RGS6: variants seen among roughly 807,000 people sequenced by gnomAD.
RGS6 encodes the protein regulator of G protein signaling 6.
RGS6 carries 30 observed loss-of-function variants against 78.5 expected under a neutral mutation model. The ratio of observed to expected loss-of-function variants is 0.38; its 90% CI spans 0.29 to 0.52. The LOEUF is 0.52. Among genes scored for constraint, RGS6 ranks in the 20% least tolerant of loss-of-function variants. The pLI is 0.85. For synonymous variants in RGS6, 206 were observed against 206.0 expected, an observed-to-expected ratio of 1.00 and a Z score of 0.00; for missense variants, 495 against 609.7, an observed-to-expected ratio of 0.81 and a Z score of 1.98.
chr14:72,496,817 A>G (rs1026172976), intron 13 of RGS6, among the ~76,000 whole-genome samples: 1 of 152,168 alleles, frequency 6.6e-6, no homozygotes, highest in Admixed American at 6.5e-5. Flanking sequence ...ATCCTTTTGT[A>G]TAATTGGGTT....
At chr14:72,324,410 T>G (rs546963649) in intron 2 of RGS6, among the ~76,000 whole-genome samples, 2 of 152,192 alleles carry the variant, frequency 1.3e-5, no homozygotes, top group Non-Finnish European at 2.9e-5. Context: ...ACAACGTGCA[T>G]GTTTGTTACA....
chr14:72,616,151 T>C, the RGS6 span, among the ~76,000 whole-genome samples: 18 of 152,308 alleles, frequency 1.2e-4, no homozygotes, highest in African/African-American at 3.9e-4. Context: ...GGATAGGCCA[T>C]GTTTCCCCAC....
At chr14:72,547,433 T>A in intron 17 of RGS6, 2 of 917,152 alleles carry the variant, frequency 2.2e-6, no homozygotes, top group Non-Finnish European at 3.2e-6. Flanking sequence ...CAACAGGGGA[T>A]GCTTCCCCCT....
At chr14:71,991,863 C>T (rs2094966711) in intron 2 of RGS6, among the ~76,000 whole-genome samples, 1 of 152,188 alleles carries the variant, frequency 6.6e-6, no homozygotes, top group South Asian at 2.1e-4. Flanking sequence ...CTGTCTCTTT[C>T]AGCTAATCAA....
intron 12 of RGS6, among the ~76,000 whole-genome samples, chr14:72,487,437 A>G (rs1309035710): frequency 6.6e-6 from 1 of 152,250 alleles, no homozygotes; most frequent in Non-Finnish European, 1.5e-5. Context: ...GTTATGTTAC[A>G]TGGCAAGGAG....
intron 2 of RGS6, among the ~76,000 whole-genome samples, chr14:72,070,545 G>A (rs1195320364): frequency 6.6e-6 from 1 of 152,180 alleles, no homozygotes; most frequent in Non-Finnish European, 1.5e-5. Flanking sequence ...TGTTGGTGGT[G>A]GTGCTGCTGG....
At chr14:71,879,646 TC>T in the RGS6 span, among the ~76,000 whole-genome samples, 5 of 152,200 alleles carry the variant, frequency 3.3e-5, no homozygotes, top group Non-Finnish European at 7.3e-5. Context: ...TGGTTCTCAT[TC>T]TCTCTTGTCT....
chr14:72,578,461 A>G, the RGS6 span, among the ~76,000 whole-genome samples: 17 of 152,320 alleles, frequency 1.1e-4, no homozygotes, highest in African/African-American at 4.1e-4. Flanking sequence ...CACTATTTGC[A>G]ATAACTTCCC....
chr14:72,133,794 A>G (rs2096379781), intron 2 of RGS6, among the ~76,000 whole-genome samples: 1 of 151,900 alleles, frequency 6.6e-6, no homozygotes, highest in Admixed American at 6.6e-5. Flanking sequence ...TGTCACCATA[A>G]GCAATCCACT....
chr14:72,494,758 G>T (rs1237101448), intron 12 of RGS6, among the ~76,000 whole-genome samples: 1 of 152,214 alleles, frequency 6.6e-6, no homozygotes, highest in Non-Finnish European at 1.5e-5. Context: ...CAGTCTGGTG[G>T]AGCTGTAGTG....
intron 3 of RGS6, among the ~76,000 whole-genome samples, chr14:72,371,330 C>CTTGT (rs879767297): frequency 5.3e-5 from 8 of 151,850 alleles, no homozygotes; most frequent in Non-Finnish European, 1.2e-4. Context: ...AACATTTTTC[C>CTTGT]TTGTTTGATT....
chr14:72,236,160 G>C (rs1335179099), intron 2 of RGS6, among the ~76,000 whole-genome samples: 3 of 152,150 alleles, frequency 2.0e-5, no homozygotes, highest in Admixed American at 6.5e-5. Flanking sequence ...CATTCTATTA[G>C]GATCATTTTC....
At position 72,267,483 on chromosome 14, in the gene RGS6, T is replaced by C. The variant is rs538491857; in HGVS notation, c.85-84612T>C. Among the ~76,000 whole-genome samples, 17 of 152,332 alleles carry C rather than the reference T, an allele frequency of 1.1e-4. 1 individual carries two copies. In the South Asian group the frequency reaches 3.5e-3, roughly 32 times the overall value. On this transcript the variant is annotated intron_variant, in intron 2 of 17. Transcript: ENST00000553525. The stretch of plus-strand genomic sequence containing the variant: ...GACCTGCAAAACCAAAAATACTTGC[T>C]ATCTTGCTCTTTACAGACAAGTAAC...
chr14:72,579,001 TATCAACCTGTGTATCAACCGCCTGC>T, the RGS6 span, among the ~76,000 whole-genome samples: 1 of 152,128 alleles, frequency 6.6e-6, no homozygotes, highest in Non-Finnish European at 1.5e-5. Flanking sequence ...TAGGAAAAAG[TATCAACCTGTGTATCAACCGCCTGC>T]ATCAGCCTAT....
At chr14:71,938,502 G>A in intron 1 of RGS6, among the ~76,000 whole-genome samples, 1 of 152,160 alleles carries the variant, frequency 6.6e-6, no homozygotes, top group Middle Eastern at 3.2e-3. Context: ...AGAACCATCT[G>A]TGAACAGGCC....
chr14:72,182,290 G>T (rs1488855133), intron 2 of RGS6, among the ~76,000 whole-genome samples: 1 of 151,690 alleles, frequency 6.6e-6, no homozygotes, highest in African/African-American at 2.4e-5. Context: ...CACGCCTGTA[G>T]TCCTAGCTAC....
chr14:72,577,860 C>T, the RGS6 span, among the ~76,000 whole-genome samples: 4 of 152,206 alleles, frequency 2.6e-5, no homozygotes, highest in African/African-American at 7.2e-5. Context: ...AACAGATGGG[C>T]TTGTTGCTTT....
At chr14:72,459,013 A>C (rs1030658294) in intron 5 of RGS6, among the ~76,000 whole-genome samples, 2 of 152,208 alleles carry the variant, frequency 1.3e-5, no homozygotes, top group African/African-American at 4.8e-5. Flanking sequence ...CATTTTACAG[A>C]GGAGAAAACT....
chr14:72,101,514 TCTGTAG>T (rs552075134), intron 2 of RGS6, among the ~76,000 whole-genome samples: 90 of 152,326 alleles, frequency 5.9e-4, no homozygotes, highest in African/African-American at 2.0e-3. Context: ...ACCATCAGTG[TCTGTAG>T]CTGTGGCAGG....
Sources: gnomAD v4.1 joint callset for allele counts (sites outside exome capture counted in the v4.1 genomes callset) on GRCh38, gnomAD v4.1.1 for gene constraint, MANE v1.5 for transcripts, NCBI Gene and HGNC (gene_info 2026-07-23, HGNC 2026-07-21) for gene names.